Variants in C3orf49 observed in about 807,000 individuals in gnomAD.
C3orf49 encodes the protein putative uncharacterized protein C3orf49.
Under a neutral mutation model 13.3 loss-of-function variants are expected in C3orf49, and 27 were observed. The observed-to-expected ratio is 2.02, with a 90% confidence interval of 1.49 to 2.79. The LOEUF (loss-of-function observed/expected upper bound fraction) is 2.79, where lower values mean the gene tolerates loss of function less well. C3orf49 is among the 30% of genes most tolerant of loss of function. The pLI is 0.00. For missense variants in C3orf49, 242 were observed against 134.2 expected (o/e 1.80, Z -3.97); for synonymous variants, 87 against 47.6 (o/e 1.83, Z -3.40).
At chr3:63,827,395 G>A in intron 2 of C3orf49, 2 of 468,642 alleles carry the variant, frequency 4.3e-6, no homozygotes, top group Admixed American at 3.4e-5. Flanking sequence ...GTCCACTGAG[G>A]TCATGACCAT....
chr3:63,824,836 C>CAA (rs34464702), intron 2 of C3orf49, among the ~76,000 whole-genome samples: 1,367 of 107,554 alleles, frequency 0.013, 22 homozygotes, highest in African/African-American at 0.036. Context: ...GACCCTGTCT[C>CAA]AAAAAAAAAA....
chr3:63,840,486 G>A (rs1369840904), intron 5 of C3orf49, among the ~76,000 whole-genome samples: 2 of 152,144 alleles, frequency 1.3e-5, no homozygotes, highest in East Asian at 3.9e-4. Context: ...AGTAACTTGG[G>A]AGGCTGAGGT....
intron 4 of C3orf49, 106 bp downstream of exon 4, chr3:63,831,329 T>C (rs758501376): frequency 1.1e-5 from 7 of 628,642 alleles, no homozygotes; most frequent in South Asian, 1.9e-5. Flanking sequence ...ATGAAATTAA[T>C]GATTAGCATT....
chr3:63,840,144 CA>C, intron 5 of C3orf49, among the ~76,000 whole-genome samples: 1 of 152,126 alleles, frequency 6.6e-6, no homozygotes. Flanking sequence ...GGAAATAAGC[CA>C]ATAATTCATA....
At chr3:63,834,996 C>G (rs1046396515) in intron 5 of C3orf49, among the ~76,000 whole-genome samples, 1 of 152,092 alleles carries the variant, frequency 6.6e-6, no homozygotes, top group Non-Finnish European at 1.5e-5. Flanking sequence ...TACATGTATT[C>G]AAGAAAGTTG....
At chr3:63,822,233 C>A (rs1701406685) in intron 1 of C3orf49, among the ~76,000 whole-genome samples, 2 of 152,140 alleles carry the variant, frequency 1.3e-5, no homozygotes. Context: ...CTTCGGCCTC[C>A]CAAAGTGCTG....
At chr3:63,819,096 T>G (rs988996179), upstream of C3orf49, among the ~76,000 whole-genome samples, 2 of 152,066 alleles carry the variant, frequency 1.3e-5, no homozygotes, top group Non-Finnish European at 2.9e-5. Context: ...GTGGGTGTTT[T>G]TTGTTGTTGT....
At position 63,831,807 on chromosome 3, in the gene C3orf49, T is replaced by C. The variant is rs867436860; in HGVS notation, c.812T>C (p.Ile271Thr). 1.4e-6 allele frequency: 1 copy of C among 701,206 alleles called. No homozygotes were observed. Among genetic ancestry groups the C allele is most frequent in the Middle Eastern group, 2.3e-4 (1 of 4,366 alleles). 43.4% of individuals were successfully genotyped at this position (701,206 alleles called of 1,614,324 possible). The part of the protein sequence containing the change: ...ILQSSKQFQR[I>T]SKRTMRKYKL... ...CAGTCTTCTAAACAGTTCCAGAGGATATCCAAGAGAACCATGAGGAAGTAT... is the reference window on the plus strand; with the variant it reads ...CAGTCTTCTAAACAGTTCCAGAGGACATCCAAGAGAACCATGAGGAAGTAT... Residue 271 changes from isoleucine to threonine, a missense_variant, in exon 5 of 7, where the codon ATA (isoleucine) becomes ACA (threonine). Transcript: ENST00000295896.
chr3:63,801,435 G>A, the C3orf49 span, among the ~76,000 whole-genome samples: 1 of 151,940 alleles, frequency 6.6e-6, no homozygotes, highest in Non-Finnish European at 1.5e-5. Flanking sequence ...CCTGTCCTTG[G>A]TGAAGCTTCT....
the C3orf49 span, among the ~76,000 whole-genome samples, chr3:63,796,122 AC>A: frequency 1.1e-3 from 166 of 152,124 alleles, no homozygotes; most frequent in African/African-American, 3.8e-3. Context: ...CAGCTCTTTC[AC>A]CTTTTTGGTA....
chr3:63,815,767 C>A (rs1402651087), upstream of C3orf49, among the ~76,000 whole-genome samples: 2 of 145,418 alleles, frequency 1.4e-5, no homozygotes, highest in Non-Finnish European at 3.0e-5. Flanking sequence ...CTTTTCTTTT[C>A]TTTCTTTTTT....
At chr3:63,831,275 G>A (rs1163292890) in intron 4 of C3orf49, 52 bp downstream of exon 4, 6 of 688,900 alleles carry the variant, frequency 8.7e-6, no homozygotes, top group Admixed American at 2.2e-5. Context: ...CAGAGAGCCA[G>A]GCTTAAGTAA....
chr3:63,838,202 A>G (rs893392571), intron 5 of C3orf49: 26 of 921,378 alleles, frequency 2.8e-5, no homozygotes, highest in Non-Finnish European at 4.2e-5. Context: ...AACCCAAAGT[A>G]CTATATCATC....
chr3:63,782,294 G>A, the C3orf49 span: 1 of 152,000 alleles, frequency 6.6e-6, no homozygotes, highest in South Asian at 2.1e-4. Context: ...ACATCTTAAA[G>A]TGGATGTTTA....
intron 1 of C3orf49, among the ~76,000 whole-genome samples, chr3:63,822,725 C>T (rs558006960): frequency 6.6e-6 from 1 of 152,170 alleles, no homozygotes; most frequent in Admixed American, 6.5e-5. Flanking sequence ...AGTATGTTAT[C>T]TAAATGAGTG....
intron 5 of C3orf49, among the ~76,000 whole-genome samples, chr3:63,832,592 G>A (rs929344186): frequency 6.6e-6 from 1 of 151,984 alleles, no homozygotes; most frequent in Non-Finnish European, 1.5e-5. Context: ...AGCCTGGGAG[G>A]TCAAGGCTAC....
chr3:63,790,758 T>C, the C3orf49 span, among the ~76,000 whole-genome samples: 2 of 152,220 alleles, frequency 1.3e-5, no homozygotes, highest in Non-Finnish European at 2.9e-5. Context: ...CTCTTGCAGC[T>C]CAGTGGCCTT....
In C3orf49 at chr3:63,827,527, T is replaced by C. The variant is rs1701479040; in HGVS notation, c.446-74T>C. The C allele has an allele frequency of 3.3e-5, 21 of 637,110 alleles. No individual in the cohort carries two copies. In the South Asian group the frequency reaches 3.6e-4, roughly 11 times the overall value. The allele number at this position is 637,110 out of a possible 1,614,324, so 39.5% of individuals were successfully genotyped here. On this transcript the variant is annotated intron_variant, in intron 2 of 6. Transcript: ENST00000295896. ...AGCAAGTGATGCTGTCTTCTAAGAA[T>C]ACTGTATTTTTAACAGGAAGAATGT...
intron 3 of C3orf49, among the ~76,000 whole-genome samples, chr3:63,828,537 T>A (rs932552704): frequency 6.6e-6 from 1 of 152,164 alleles, no homozygotes; most frequent in African/African-American, 2.4e-5. Flanking sequence ...TGGCCTCAAG[T>A]AATCCACCTG....
Sources: gnomAD v4.1 joint callset for allele counts (sites outside exome capture counted in the v4.1 genomes callset) on GRCh38, gnomAD v4.1.1 for gene constraint, MANE v1.5 for transcripts, NCBI Gene and HGNC (gene_info 2026-07-23, HGNC 2026-07-21) for gene names.